DOCK4: variants seen among roughly 807,000 people sequenced by gnomAD.
The protein encoded by DOCK4 is dedicator of cytokinesis 4, also known as dedicator of cytokinesis protein 4.
In DOCK4, 97 loss-of-function variants were observed where a neutral mutation model predicts 268.1. The ratio of observed to expected loss-of-function variants is 0.36; its 90% CI spans 0.31 to 0.43. DOCK4 has a LOEUF of 0.43. Ranked by LOEUF, DOCK4 falls within the 20% of genes least tolerant of loss-of-function variation. The pLI is 1.00. For synonymous variants in DOCK4, 954 were observed against 887.2 expected (o/e 1.08, Z -1.34); for missense variants, 2,145 against 2,455.7 (o/e 0.87, Z 2.67).
chr7:111,859,421 A>AT (rs995172030), intron 23 of DOCK4, among the ~76,000 whole-genome samples: 104 of 151,682 alleles, frequency 6.9e-4, no homozygotes, highest in Non-Finnish European at 1.0e-3. Context: ...TAATAAAAGA[A>AT]TTTTTTTTTA....
Position 111,735,186 on chromosome 7 carries a change from G to C in DOCK4, c.5306-19C>G. ...TTCACAGCTGGAAGGGAATAACACA[G>C]CTAAAAACACACGGTCCAGCTTTGC... is the stretch of plus-strand genomic sequence containing the variant. On this transcript the variant is annotated intron_variant, in intron 50 of 52. Transcript: ENST00000428084. 4 of 1,505,442 alleles carry C rather than the reference G, an allele frequency of 2.7e-6. No homozygotes were observed. The South Asian group carries it at 5.0e-5, about 19-fold the overall frequency. The allele number at this position is 1,505,442 out of a possible 1,614,324, so 93.3% of individuals were successfully genotyped here.
chr7:112,005,506 T>G (rs1800782672), intron 1 of DOCK4, among the ~76,000 whole-genome samples: 1 of 152,208 alleles, frequency 6.6e-6, no homozygotes, highest in Non-Finnish European at 1.5e-5. Context: ...ATTAGCCTCA[T>G]AATGACGTGC....
At chr7:111,879,070 CCTT>C (rs1807156512) in intron 16 of DOCK4, among the ~76,000 whole-genome samples, 2 of 151,882 alleles carry the variant, frequency 1.3e-5, no homozygotes, top group South Asian at 2.1e-4. Context: ...AAAAGTGACT[CCTT>C]CTTTCTGCTT....
intron 1 of DOCK4, among the ~76,000 whole-genome samples, chr7:112,120,799 G>A (rs1326744627): frequency 1.3e-5 from 2 of 152,180 alleles, no homozygotes; most frequent in African/African-American, 4.8e-5. Context: ...CTGATTCCAT[G>A]ATCTTGTGAG....
Position 111,952,434 on chromosome 7 carries a change from C to A in DOCK4, c.702-6636G>T, listed in dbSNP as rs576453939. ...AAACCACTCAGTAGAAGTAACCCTT[C>A]AGTTGGGAAGGCCAATATCAAAAAT... On this transcript the variant is annotated intron_variant, in intron 8 of 52. Coordinates refer to ENST00000428084, the MANE Select transcript of DOCK4 (RefSeq NM_001363540.2). 1.4e-4 allele frequency among the ~76,000 whole-genome samples: 21 copies of A among 152,250 alleles called. 1 individual carries two copies. In the South Asian group the frequency reaches 4.4e-3, roughly 32 times the overall value.
rs746473436 is a variant in DOCK4, at chr7:111,994,155, T to A, written c.295A>T (p.Met99Leu). Residue 99 changes from methionine (M) to leucine (L), a missense_variant, in exon 5 of 53, where the codon ATG becomes TTG. By Grantham distance (15) the Met-to-Leu change is conservative. Coordinates refer to ENST00000428084, the MANE Select transcript of DOCK4 (RefSeq NM_001363540.2). ...TTAACCACATAGAGTTGTTTCCACA[T>A]GGTTCCCCAGTCTCTTAATGTTGAT... is the stretch of plus-strand genomic sequence containing the variant. The part of the protein sequence containing the change: ...MTSTLRDWGT[M>L]WKQLYVRNEG... 2.5e-6 allele frequency: 4 copies of A among 1,606,048 alleles called. No individual in the cohort carries two copies. Among genetic ancestry groups the A allele is most frequent in the Non-Finnish European group, 3.4e-6 (4 of 1,175,288 alleles).
intron 1 of DOCK4, among the ~76,000 whole-genome samples, chr7:112,164,418 A>G (rs1480284300): frequency 2.6e-5 from 4 of 152,230 alleles, no homozygotes; most frequent in African/African-American, 9.6e-5. Context: ...ATATAACCAT[A>G]TTAATAAAGT....
intron 13 of DOCK4, among the ~76,000 whole-genome samples, chr7:111,905,996 A>T (rs1229097719): frequency 6.6e-6 from 1 of 152,168 alleles, no homozygotes. Flanking sequence ...AACTTTATAA[A>T]AAAGGCACTA....
At chr7:111,795,773 A>G (rs1421846737) in intron 30 of DOCK4, among the ~76,000 whole-genome samples, 1 of 152,180 alleles carries the variant, frequency 6.6e-6, no homozygotes, top group Non-Finnish European at 1.5e-5. Context: ...CAATATGGTG[A>G]TAAGGAAGAG....
intron 1 of DOCK4, among the ~76,000 whole-genome samples, chr7:112,131,038 G>A (rs1311309805): frequency 3.9e-5 from 6 of 152,154 alleles, no homozygotes; most frequent in African/African-American, 1.2e-4. Context: ...GCTGATAATA[G>A]TGAAAACCTA....
chr7:111,870,563 C>T (rs1281720414), intron 20 of DOCK4, among the ~76,000 whole-genome samples: 3 of 152,100 alleles, frequency 2.0e-5, no homozygotes, highest in African/African-American at 4.8e-5. Flanking sequence ...CTCAAATGAT[C>T]TGTCCACCTT....
chr7:112,097,227 G>A (rs1443901752), intron 1 of DOCK4, among the ~76,000 whole-genome samples: 4 of 152,140 alleles, frequency 2.6e-5, no homozygotes, highest in Non-Finnish European at 4.4e-5. Context: ...CAAATCCCAG[G>A]GAAGGTCTGA....
At chr7:111,948,890 C>G (rs1481539981) in intron 8 of DOCK4, among the ~76,000 whole-genome samples, 1 of 148,146 alleles carries the variant, frequency 6.8e-6, no homozygotes, top group Non-Finnish European at 1.5e-5. Flanking sequence ...CAGTAGTTTT[C>G]TTTAACGAAA....
At chr7:112,177,125 T>C (rs535478689) in intron 1 of DOCK4, among the ~76,000 whole-genome samples, 15 of 152,322 alleles carry the variant, frequency 9.8e-5, no homozygotes, top group African/African-American at 3.4e-4. Context: ...ATTAGAAATC[T>C]ATATGATCCT....
chr7:111,758,463 G>A (rs1219830417), intron 41 of DOCK4, among the ~76,000 whole-genome samples, 161 bp downstream of exon 41: 1 of 152,216 alleles, frequency 6.6e-6, no homozygotes, highest in Non-Finnish European at 1.5e-5. Flanking sequence ...ATGTCACTCT[G>A]ATGCACGTGG....
intron 15 of DOCK4, among the ~76,000 whole-genome samples, chr7:111,899,573 T>G (rs1790956862): frequency 6.6e-6 from 1 of 152,200 alleles, no homozygotes; most frequent in Admixed American, 6.5e-5. Context: ...ACTTTATGGA[T>G]AGCAATGCCC....
intron 16 of DOCK4, among the ~76,000 whole-genome samples, chr7:111,877,865 C>T (rs545594278): frequency 6.6e-6 from 1 of 152,300 alleles, no homozygotes; most frequent in South Asian, 2.1e-4. Flanking sequence ...ATCGGATGTT[C>T]ATATGATGCC....
chr7:111,738,997 T>C (rs1271874907), intron 49 of DOCK4, 137 bp downstream of exon 49: 1 of 653,828 alleles, frequency 1.5e-6, no homozygotes, highest in East Asian at 2.7e-5. Context: ...AAAACAGAGG[T>C]GCAATCTTCA....
intron 6 of DOCK4, among the ~76,000 whole-genome samples, chr7:111,987,333 A>G (rs1249080052): frequency 1.3e-5 from 2 of 152,164 alleles, no homozygotes; most frequent in East Asian, 3.8e-4. Context: ...AAACTGAAGA[A>G]GTATCATTTT....
Sources: allele counts gnomAD v4.1 joint callset (sites outside exome capture counted in the v4.1 genomes callset), GRCh38; gene constraint gnomAD v4.1.1; transcripts MANE v1.5; gene names NCBI Gene and HGNC (gene_info 2026-07-23, HGNC 2026-07-21).